The following TNNI3K variants were observed in gnomAD, a reference collection of about 807,000 sequenced individuals.
TNNI3K encodes the protein serine/threonine-protein kinase TNNI3K.
A neutral mutation model predicts 114.5 loss-of-function variants in TNNI3K; 140 were observed. The observed-to-expected ratio is 1.22, with a 90% CI of 1.07 to 1.41. The LOEUF is 1.41. TNNI3K is among the 40% of genes most tolerant of loss of function. The pLI is 0.00. For missense variants in TNNI3K, 1,125 were observed against 1,007.6 expected, an observed-to-expected ratio of 1.12 and a Z score of -1.58; for synonymous variants, 347 against 347.5, an observed-to-expected ratio of 1.00 and a Z score of 0.02.
chr1:74,293,502 TTTTAAA>T (rs887491790), intron 5 of TNNI3K, among the ~76,000 whole-genome samples: 1 of 151,772 alleles, frequency 6.6e-6, no homozygotes, highest in African/African-American at 2.4e-5. Flanking sequence ...TAGAACTATT[TTTTAAA>T]TTTAAATTAA....
At chr1:74,236,419 G>A (rs1016148501) in intron 2 of TNNI3K, among the ~76,000 whole-genome samples, 19 of 151,648 alleles carry the variant, frequency 1.3e-4, no homozygotes, top group Admixed American at 1.2e-3. Flanking sequence ...AATATAAATT[G>A]TAATCTGCCA....
In TNNI3K at chr1:74,518,894, T is replaced by A. The variant is rs867908052; in HGVS notation, c.2352-21340T>A. ...TTCCCCTTTTTTTTTTTTTTTTTTT[T>A]ATTATACTCTAAGTTTTAGGGTACA... On this transcript the variant is annotated intron_variant, in intron 23 of 24. Transcript: ENST00000326637. 4.7e-3 allele frequency among the ~76,000 whole-genome samples: 529 copies of A among 112,392 alleles called. 36 individuals carry two copies. The highest frequency in any genetic ancestry group is 0.027 in the African/African-American group (504 of 18,912). The allele number at this position is 112,392 out of a possible 152,430, so 73.7% of individuals were successfully genotyped here.
Position 74,271,615 on chromosome 1 carries a change from C to T in TNNI3K, c.351C>T (p.Ile117=). 1 of 1,604,624 alleles carries T rather than the reference C, an allele frequency of 6.2e-7. No individual in the cohort carries two copies. The highest frequency in any genetic ancestry group is 8.5e-7 in the Non-Finnish European group (1 of 1,174,920). Residue 117 remains isoleucine, a synonymous_variant, in exon 5 of 25, where the codon ATC becomes ATT. Coordinates refer to ENST00000326637, the MANE Select transcript of TNNI3K (RefSeq NM_015978.3). ...CCTTACAGGATAATGCAGAATTGATCACTTCTCTGCTTCACAGTGGAGCTG... is the reference window on the plus strand; with the variant it reads ...CCTTACAGGATAATGCAGAATTGATTACTTCTCTGCTTCACAGTGGAGCTG... The part of the protein sequence containing the change: ...LAVYKDNAEL[I]TSLLHSGADI...
chr1:74,266,288 C>T (rs878976979), intron 4 of TNNI3K, among the ~76,000 whole-genome samples: 2 of 151,984 alleles, frequency 1.3e-5, no homozygotes, highest in East Asian at 1.9e-4. Flanking sequence ...CCTTCATGTG[C>T]GATGTACCTT....
At chr1:74,270,365 T>TG (rs1045416321) in intron 4 of TNNI3K, among the ~76,000 whole-genome samples, 2 of 150,564 alleles carry the variant, frequency 1.3e-5, no homozygotes, top group South Asian at 2.1e-4. Context: ...TTAGCTTCAG[T>TG]GGGAAAAAAA....
At chr1:74,466,902 G>T (rs541994993) in intron 21 of TNNI3K, among the ~76,000 whole-genome samples, 1 of 152,292 alleles carries the variant, frequency 6.6e-6, no homozygotes, top group Non-Finnish European at 1.5e-5. Context: ...TGGAGTTTAA[G>T]ACCTGCTAGT....
intron 5 of TNNI3K, among the ~76,000 whole-genome samples, chr1:74,326,265 C>T (rs1659895779): frequency 6.6e-6 from 1 of 152,086 alleles, no homozygotes; most frequent in Admixed American, 6.6e-5. Flanking sequence ...AGAATTTACC[C>T]TATTCTATTT....
chr1:74,522,731 A>C (rs1002811138), intron 23 of TNNI3K, among the ~76,000 whole-genome samples: 5 of 152,122 alleles, frequency 3.3e-5, no homozygotes, highest in African/African-American at 9.7e-5. Context: ...TTCTGATTGG[A>C]ATATTGATCA....
intron 24 of TNNI3K, among the ~76,000 whole-genome samples, chr1:74,542,311 A>G (rs1646736847): frequency 6.6e-6 from 1 of 152,228 alleles, no homozygotes; most frequent in African/African-American, 2.4e-5. Context: ...GTGGTATGTT[A>G]GAAAGCTGAT....
intron 5 of TNNI3K, among the ~76,000 whole-genome samples, chr1:74,285,780 A>G (rs759729413): frequency 1.3e-5 from 2 of 152,216 alleles, no homozygotes; most frequent in Admixed American, 6.5e-5. Context: ...TCTACTCTCC[A>G]TAAAAGCAGA....
chr1:74,495,341 A>T (rs1412284105), intron 23 of TNNI3K, among the ~76,000 whole-genome samples: 1 of 152,242 alleles, frequency 6.6e-6, no homozygotes, highest in Non-Finnish European at 1.5e-5. Flanking sequence ...ATGTGTCAAA[A>T]TAGAAATTAT....
intron 23 of TNNI3K, among the ~76,000 whole-genome samples, chr1:74,511,382 A>G (rs546529731): frequency 2.2e-4 from 33 of 152,152 alleles, no homozygotes; most frequent in African/African-American, 7.9e-4. Context: ...TAGTAGAGAT[A>G]GGGTTTTGCC....
intron 17 of TNNI3K, among the ~76,000 whole-genome samples, chr1:74,414,819 C>T (rs1665042335): frequency 6.6e-6 from 1 of 152,178 alleles, no homozygotes; most frequent in Admixed American, 6.5e-5. Context: ...TAATCACTCA[C>T]CTGGACTATC....
chr1:74,391,957 AT>A (rs34656417), intron 17 of TNNI3K, among the ~76,000 whole-genome samples: 13,689 of 92,986 alleles, frequency 0.15, 1,135 homozygotes, highest in African/African-American at 0.3. Flanking sequence ...ACAGCTTATT[AT>A]TTTTTTTTTT....
chr1:74,316,610 G>A (rs1659317685), intron 5 of TNNI3K, among the ~76,000 whole-genome samples: 6 of 151,896 alleles, frequency 4.0e-5, no homozygotes. Context: ...GTTTTCTCAG[G>A]GAGGCCCTTC....
At chr1:74,483,628 A>T (rs990372846) in intron 21 of TNNI3K, among the ~76,000 whole-genome samples, 1 of 152,230 alleles carries the variant, frequency 6.6e-6, no homozygotes, top group Non-Finnish European at 1.5e-5. Flanking sequence ...GAAAAAATTA[A>T]GTTACTTTGC....
rs79624611 is a variant in TNNI3K, at chr1:74,400,705, A to G, written c.1772+30313A>G. Reference sequence around the variant, plus strand: ...TTCTCTAGGGAGGGGGCAGAGTTCAATAAGCTCATGAGAGAACTCTCAACT... The same window carrying G: ...TTCTCTAGGGAGGGGGCAGAGTTCAGTAAGCTCATGAGAGAACTCTCAACT... On this transcript the variant is annotated intron_variant, in intron 17 of 24. Transcript: ENST00000326637. 4.0e-3 allele frequency among the ~76,000 whole-genome samples: 606 copies of G among 152,364 alleles called. 18 individuals are homozygous for G. Among genetic ancestry groups the G allele is most frequent in the East Asian group, 0.03 (156 of 5,184 alleles).
chr1:74,403,495 C>T (rs1386615893), intron 17 of TNNI3K, among the ~76,000 whole-genome samples: 1 of 152,034 alleles, frequency 6.6e-6, no homozygotes, highest in East Asian at 1.9e-4. Flanking sequence ...CATCATTGAA[C>T]ATAAAGTGGG....
chr1:74,344,248 T>A (rs1304533437), intron 9 of TNNI3K, among the ~76,000 whole-genome samples: 1 of 152,218 alleles, frequency 6.6e-6, no homozygotes. Flanking sequence ...TATGGAATAG[T>A]GACCATATGC....
Sources: gnomAD v4.1 joint callset for allele counts (sites outside exome capture counted in the v4.1 genomes callset) on GRCh38, gnomAD v4.1.1 for gene constraint, MANE v1.5 for transcripts, NCBI Gene and HGNC (gene_info 2026-07-23, HGNC 2026-07-21) for gene names.